The following CEP290 variants were observed in gnomAD, a reference collection of about 807,000 sequenced individuals.
The protein encoded by CEP290 is centrosomal protein of 290 kDa.
A neutral mutation model predicts 344.9 loss-of-function variants in CEP290; 317 were observed. The observed-to-expected ratio is 0.92, with a 90% CI of 0.84 to 1.01. The LOEUF (loss-of-function observed/expected upper bound fraction) is 1.01. Ranked by LOEUF, CEP290 falls within the 50% of genes least tolerant of loss-of-function variation. The pLI is 0.00. For missense variants in CEP290, 2,754 were observed against 2,761.4 expected, an observed-to-expected ratio of 1.00 and a Z score of 0.06; for synonymous variants, 932 against 895.8, an observed-to-expected ratio of 1.04 and a Z score of -0.72.
chr12:88,129,965 T>A, intron 9 of CEP290, 89 bp from the exon 10 acceptor site: 1 of 843,396 alleles, frequency 1.2e-6, no homozygotes, highest in South Asian at 2.1e-5. Context: ...GCCATAAGTG[T>A]CCTCTAGAAA....
At chr12:88,067,431 A>G (rs2035024103) in intron 44 of CEP290, among the ~76,000 whole-genome samples, 1 of 152,176 alleles carries the variant, frequency 6.6e-6, no homozygotes, top group East Asian at 1.9e-4. Flanking sequence ...CAAACCAGGG[A>G]CGCGTCCTTT....
intron 31 of CEP290, among the ~76,000 whole-genome samples, chr12:88,088,565 T>C (rs1056945387): frequency 6.6e-6 from 1 of 152,230 alleles, no homozygotes; most frequent in African/African-American, 2.4e-5. Flanking sequence ...TTTTTACGTA[T>C]AATAGACATT....
Position 88,117,018 on chromosome 12 carries a change from A to G in CEP290, c.1824+15T>C, listed in dbSNP as rs999848467. 6 of 1,216,850 alleles carry G rather than the reference A, an allele frequency of 4.9e-6. No individual in the cohort carries two copies. The highest frequency in any genetic ancestry group is 2.5e-5 in the East Asian group (1 of 39,812). 75.4% of individuals were successfully genotyped at this position (1,216,850 alleles called of 1,614,324 possible). ...AATATTTTCCTTTACTCTCTTTGCA[A>G]TACTTTACTATTACCTTTGATTGTG... On this transcript the variant is annotated intron_variant, in intron 18 of 53. Coordinates refer to ENST00000552810, the MANE Select transcript of CEP290 (RefSeq NM_025114.4).
At chr12:88,129,926 A>T in intron 9 of CEP290, 50 bp from the exon 10 acceptor site, 1 of 1,168,350 alleles carries the variant, frequency 8.6e-7, no homozygotes, top group Non-Finnish European at 1.2e-6. Context: ...AAAAAAACTG[A>T]AATTTAAACC....
In CEP290 at chr12:88,107,115, AC is replaced by A. The variant is rs752157021; in HGVS notation, c.2484-18del. ...TCCTTTTCACTAAAAACAAAACAAA[AC>A]AAAAAGACAATACTGTAAACCTAAT... On this transcript the variant is annotated intron_variant, in intron 23 of 53. Transcript: ENST00000552810. The A allele has an allele frequency of 5.8e-6, 8 of 1,383,382 alleles. No homozygotes were observed. Among genetic ancestry groups the A allele is most frequent in the Non-Finnish European group, 7.9e-6 (8 of 1,018,620 alleles). The allele number at this position is 1,383,382 out of a possible 1,614,324, so 85.7% of individuals were successfully genotyped here.
In CEP290 at chr12:88,089,157, G is replaced by A. The variant is rs587783016; in HGVS notation, c.3904C>T (p.Gln1302Ter). 6.2e-7 allele frequency: 1 copy of A among 1,603,078 alleles called. No individual in the cohort carries two copies. The highest frequency in any genetic ancestry group is 8.5e-7 in the Non-Finnish European group (1 of 1,176,182). ...QLQNDKLKIM[Q>*]EMKNSQQEHR... ...TCTTGTTGAGAATTTTTCATTTCTT[G>A]CATTATCTTAAGTTTGTCATTTTGT... The change falls in exon 31 of 54, where the codon CAA (glutamine) becomes TAA (stop). Residue 1302 changes from glutamine (Q) to a stop codon, truncating the protein, a stop_gained. Coordinates refer to ENST00000552810, the MANE Select transcript of CEP290 (RefSeq NM_025114.4). LOFTEE classifies it high-confidence loss of function.
At position 88,077,315 on chromosome 12, in the gene CEP290, A is replaced by C. The variant is rs1262099124; in HGVS notation, c.5616T>G (p.Ser1872Arg). Reference protein sequence around the residue: ...QGKPLTDNKQSLIEELQRKVK... With the variant: ...QGKPLTDNKQRLIEELQRKVK... ...CTTTCCTTTGGAGTTCTTCAATTAG[A>C]CTTTGTTTATTATCTGTCAGGGGTT... The change falls in exon 41 of 54, where the codon AGT (serine) becomes AGG (arginine). Residue 1872 changes from serine to arginine, a missense_variant. Physicochemically the swap from Ser to Arg is moderately radical, Grantham distance 110. Coordinates refer to ENST00000552810, the MANE Select transcript of CEP290 (RefSeq NM_025114.4). 2 of 1,581,766 alleles carry C rather than the reference A, an allele frequency of 1.3e-6. No individual in the cohort carries two copies. Among genetic ancestry groups the C allele is most frequent in the Non-Finnish European group, 8.6e-7 (1 of 1,161,672 alleles).
rs777669368 is a variant in CEP290 at position 88,118,514 on chromosome 12, A to G, written c.1680T>C (p.Ala560=). The change falls in exon 17 of 54, where the codon GCT becomes GCC. Residue 560 remains alanine, a synonymous_variant. Coordinates refer to ENST00000552810, the MANE Select transcript of CEP290 (RefSeq NM_025114.4). The part of the protein sequence containing the change: ...LDLKKKIRQM[A]QERGKRSATS... ...TTGCACTTCTTTTTCCTCTTTCTTG[A>G]GCCATTTGACGAATTTTTTTTTTCA... 3.8e-6 allele frequency: 6 copies of G among 1,567,704 alleles called. No homozygotes were observed. The highest frequency in any genetic ancestry group is 5.2e-6 in the Non-Finnish European group (6 of 1,154,510).
intron 46 of CEP290, among the ~76,000 whole-genome samples, chr12:88,061,468 A>G (rs1450103442): frequency 6.6e-6 from 1 of 152,236 alleles, no homozygotes; most frequent in East Asian, 1.9e-4. Flanking sequence ...TAATATAAAT[A>G]GAAGAGTTAT....
rs1050528797 is a variant in CEP290, at chr12:88,127,386, G to A, written c.943-948C>T. On this transcript the variant is annotated intron_variant, in intron 11 of 53. Coordinates refer to ENST00000552810, the MANE Select transcript of CEP290 (RefSeq NM_025114.4). The stretch of plus-strand genomic sequence containing the variant: ...GCCTGTAATCCCAGCTACTCAGGAG[G>A]CTGAGGCACAAGAACCACCTGAACC... 1.3e-4 allele frequency among the ~76,000 whole-genome samples: 20 copies of A among 152,170 alleles called. 1 individual carries two copies. Among genetic ancestry groups the A allele is most frequent in the African/African-American group, 4.8e-4 (20 of 41,450 alleles).
chr12:88,076,320 A>G (rs559415804), intron 41 of CEP290, among the ~76,000 whole-genome samples: 99 of 152,302 alleles, frequency 6.5e-4, no homozygotes, highest in African/African-American at 2.3e-3. Context: ...CTATTAAGAA[A>G]TTTGAATTCC....
intron 7 of CEP290, among the ~76,000 whole-genome samples, chr12:88,130,876 A>T (rs2040026175): frequency 6.6e-6 from 1 of 152,112 alleles, no homozygotes; most frequent in African/African-American, 2.4e-5. Flanking sequence ...AAGAGAAATA[A>T]GAATAGAAAT....
chr12:88,079,111 C>T lies in CEP290; in HGVS notation c.5345G>A (p.Arg1782Gln), dbSNP rs1044256302. Residue 1782 changes from arginine (R) to glutamine (Q), a missense_variant, in exon 39 of 54, where the codon CGA becomes CAA. Arg to Gln is a conservative substitution (Grantham distance 43). Coordinates refer to ENST00000552810, the MANE Select transcript of CEP290 (RefSeq NM_025114.4). ...GTTCACCTTTAGCTCTCTAGTATGT[C>T]GATCAACGATTTGTTGAACATTGAG... ...AHLNVQQIVD[R>Q]HTRELKTQVE... 7.5e-6 allele frequency: 12 copies of T among 1,591,928 alleles called. No homozygotes were observed. The East Asian group carries it at 9.2e-5, about 12-fold the overall frequency.
chr12:88,089,002 T>TAAA, intron 31 of CEP290, 30 bp downstream of exon 31: 1 of 1,198,202 alleles, frequency 8.3e-7, no homozygotes, highest in Middle Eastern at 3.1e-4. Context: ...TACTGTCTCT[T>TAAA]AAAAAAAAAA....
intron 43 of CEP290, among the ~76,000 whole-genome samples, chr12:88,069,216 T>C (rs1384991770): frequency 6.6e-6 from 1 of 152,166 alleles, no homozygotes; most frequent in Non-Finnish European, 1.5e-5. Flanking sequence ...AAACATTTAC[T>C]CTTGCCTCTT....
At chr12:88,061,515 G>T (rs2034481272) in intron 46 of CEP290, among the ~76,000 whole-genome samples, 1 of 152,098 alleles carries the variant, frequency 6.6e-6, no homozygotes, top group Non-Finnish European at 1.5e-5. Flanking sequence ...TATCAGCAGA[G>T]ATGAGTCATC....
In CEP290 at chr12:88,068,788, A is replaced by G. The variant is rs377193866; in HGVS notation, c.6012-143T>C. On this transcript the variant is annotated intron_variant, in intron 43 of 53. Transcript: ENST00000552810. Reference sequence around the variant, plus strand: ...AAATTCTTCAAACCTTCTAAACTTTATAACAAATAAATTAGGATATCAAAA... The same window carrying G: ...AAATTCTTCAAACCTTCTAAACTTTGTAACAAATAAATTAGGATATCAAAA... 3.4e-5 allele frequency: 26 copies of G among 775,924 alleles called. No individual in the cohort carries two copies. In the East Asian group the frequency reaches 3.7e-4, roughly 11 times the overall value. The allele number at this position is 775,924 out of a possible 1,614,324, so 48.1% of individuals were successfully genotyped here.
intron 25 of CEP290, chr12:88,103,749 A>C (rs1181465645): frequency 6.6e-6 from 1 of 152,036 alleles, no homozygotes; most frequent in African/African-American, 2.4e-5. Context: ...AAGTAAAAAA[A>C]CTTACGGTTG....
intron 15 of CEP290, among the ~76,000 whole-genome samples, chr12:88,119,122 C>T (rs1316439974): frequency 6.6e-6 from 1 of 152,110 alleles, no homozygotes; most frequent in Admixed American, 6.6e-5. Context: ...CCAAGTTGAT[C>T]AGAAGTCTAA....
Sources: gnomAD v4.1 joint callset for allele counts (sites outside exome capture counted in the v4.1 genomes callset) on GRCh38, gnomAD v4.1.1 for gene constraint, MANE v1.5 for transcripts, NCBI Gene and HGNC (gene_info 2026-07-23, HGNC 2026-07-21) for gene names.